The following OR2T2 variants were observed in gnomAD, a reference collection of about 807,000 sequenced individuals.
OR2T2 encodes olfactory receptor 2T2.
For missense variants in OR2T2, 138 were observed against 409.1 expected, an observed-to-expected ratio of 0.34 and a Z score of 5.72; for synonymous variants, 50 against 162.7, an observed-to-expected ratio of 0.31 and a Z score of 5.27.
chr1:248,447,071 G>T (rs1250037921), intron 2 of OR2T2, among the ~76,000 whole-genome samples: 1 of 151,994 alleles, frequency 6.6e-6, no homozygotes, highest in Admixed American at 6.5e-5. Context: ...AGATAAAGGG[G>T]GGTGGTAACT....
chr1:248,449,816 CTTT>C (rs1457866239), intron 2 of OR2T2, among the ~76,000 whole-genome samples: 26 of 123,206 alleles, frequency 2.1e-4, no homozygotes, highest in Admixed American at 1.4e-3. Flanking sequence ...TTTTCTTTTT[CTTT>C]TTCTTTTTCT....
At chr1:248,453,830 C>T in exon 3 of OR2T2, 1 of 1,425,650 alleles carries the variant, frequency 7.0e-7, no homozygotes, top group East Asian at 3.0e-5. Context: ...AGCGGGGACT[C>T]CCAGAGCATC....
rs551223393 is a variant in OR2T2, at chr1:248,453,771, A to G, written c.974A>G (p.Ter325TrpextTer81). Residue 325 changes from the stop codon to tryptophan (W), a stop_lost, in exon 3 of 3, where the codon TAG (stop) becomes TGG (tryptophan). Coordinates refer to ENST00000642130, the Ensembl canonical transcript of OR2T2. ...GTGGCGACTGTGATCAGGAAGGGCT[A>G]GCAGGGACTCCCACAGCATCAGAGT... 84 of 1,530,156 alleles carry G rather than the reference A, an allele frequency of 5.5e-5. No homozygotes were observed. In the East Asian group the frequency reaches 2.0e-3, roughly 37 times the overall value. The allele number at this position is 1,530,156 out of a possible 1,614,324, so 94.8% of individuals were successfully genotyped here. A position where few individuals can be genotyped will look rare whatever the true frequency, so the allele number is the denominator to read the frequency against.
At chr1:248,446,902 C>T (rs1427123184) in intron 2 of OR2T2, 91 bp downstream of exon 2, 1 of 134,378 alleles carries the variant, frequency 7.4e-6, no homozygotes, top group Non-Finnish European at 1.5e-5. Flanking sequence ...ACCTACATGC[C>T]ATTATAGTGC....
At position 248,446,286 on chromosome 1, in the gene OR2T2, G is replaced by A. The variant is rs1298904340; in HGVS notation, c.-245-303G>A. Among the ~76,000 whole-genome samples, 6 of 144,264 alleles carry A rather than the reference G, an allele frequency of 4.2e-5. 1 individual carries two copies. The highest frequency in any genetic ancestry group is 1.7e-4 in the African/African-American group (6 of 35,222). 94.6% of individuals were successfully genotyped at this position (144,264 alleles called of 152,430 possible). On this transcript the variant is annotated intron_variant, in intron 1 of 2. Transcript: ENST00000642130. The stretch of plus-strand genomic sequence containing the variant: ...GTCTCCTAGAAGCCATCTTAGCATG[G>A]CATATAAAAGCCTGTTGAGCTGAGT...
chr1:248,450,205 T>A (rs375164655), intron 2 of OR2T2, among the ~76,000 whole-genome samples: 2 of 145,790 alleles, frequency 1.4e-5, no homozygotes, highest in Non-Finnish European at 3.0e-5. Context: ...GCAGTGTAGT[T>A]CTGCTCTTTA....
chr1:248,451,646 C>T (rs1190276470), intron 2 of OR2T2, among the ~76,000 whole-genome samples: 1 of 148,754 alleles, frequency 6.7e-6, no homozygotes, highest in Non-Finnish European at 1.5e-5. Context: ...CCCGATTAAT[C>T]TTTGTATTTT....
In OR2T2 at chr1:248,447,657, T is replaced by G. The variant is rs1235728833; in HGVS notation, c.-23+846T>G. On this transcript the variant is annotated intron_variant, in intron 2 of 2. Transcript: ENST00000642130. ...TTTCGGAATCAGACCGGTTTCCCTC[T>G]CTACTATTGCACTGTTTAACTGAAC... is the stretch of plus-strand genomic sequence containing the variant. Among the ~76,000 whole-genome samples the G allele has an allele frequency of 3.3e-5, 5 of 151,588 alleles. No homozygotes were observed. In the East Asian group the frequency reaches 9.6e-4, roughly 29 times the overall value.
intron 2 of OR2T2, among the ~76,000 whole-genome samples, chr1:248,447,269 G>A (rs1487055716): frequency 1.3e-5 from 2 of 151,008 alleles, no homozygotes; most frequent in South Asian, 2.1e-4. Flanking sequence ...AAGAAAAGGA[G>A]TTCCTGGCCA....
exon 3 of OR2T2, chr1:248,453,862 A>T (rs1352034706): frequency 1.6e-5 from 23 of 1,480,626 alleles, no homozygotes; most frequent in Non-Finnish European, 1.6e-5. Flanking sequence ...CTGATCAGGA[A>T]GGACTAGCAA....
At chr1:248,453,695 G>A (rs1238565553) in exon 3 of OR2T2, 55 of 1,606,578 alleles carry the variant, frequency 3.4e-5, no homozygotes, top group Non-Finnish European at 4.6e-5. Context: ...AGATGTGGCT[G>A]CAGCTCTGAG....
chr1:248,450,862 AT>A (rs1485007414), intron 2 of OR2T2, among the ~76,000 whole-genome samples: 3 of 140,552 alleles, frequency 2.1e-5, no homozygotes, highest in Non-Finnish European at 3.0e-5. Flanking sequence ...CTCTTGACCC[AT>A]GATTCGAAGC....
exon 3 of OR2T2, chr1:248,453,081 T>C: frequency 6.2e-7 from 1 of 1,613,112 alleles, no homozygotes; most frequent in Non-Finnish European, 8.5e-7. Context: ...ACCATTTCCT[T>C]CCTGGGCTGT....
chr1:248,447,769 G>T (rs1328421416), intron 2 of OR2T2, among the ~76,000 whole-genome samples: 11 of 152,156 alleles, frequency 7.2e-5, no homozygotes, highest in Admixed American at 2.0e-4. Context: ...CATGCTTTAA[G>T]ATCCTTTCAG....
chr1:248,450,440 T>TG (rs2103020309), intron 2 of OR2T2, among the ~76,000 whole-genome samples: 1 of 147,542 alleles, frequency 6.8e-6, no homozygotes, highest in African/African-American at 2.7e-5. Flanking sequence ...TCTCCTCTTC[T>TG]GGGATCCTAC....
chr1:248,452,567 T>G (rs1662821830), intron 2 of OR2T2, among the ~76,000 whole-genome samples: 2 of 131,310 alleles, frequency 1.5e-5, no homozygotes, highest in African/African-American at 7.0e-5. Flanking sequence ...TACAGAACTA[T>G]GATGACCTTT....
At position 248,453,457 on chromosome 1, in the gene OR2T2, G is replaced by T. The variant is rs770828092; in HGVS notation, c.660G>T (p.Thr220=). The T allele has an allele frequency of 4.4e-6, 7 of 1,589,046 alleles. 1 individual carries two copies. The East Asian group carries it at 1.6e-4, about 37-fold the overall frequency. The change falls in exon 3 of 3, where the codon ACG becomes ACT. Residue 220 remains threonine (T), a synonymous_variant. Coordinates refer to ENST00000642130, the Ensembl canonical transcript of OR2T2. ...TATCTGTCATCTCTGTCTCCTACAC[G>T]CACATCCTCCTGACTGTCCACAGGA...
chr1:248,447,237 G>A (rs1662685123), intron 2 of OR2T2, among the ~76,000 whole-genome samples: 1 of 150,002 alleles, frequency 6.7e-6, no homozygotes, highest in Non-Finnish European at 1.5e-5. Context: ...CGGAGTACAG[G>A]AGTAGCTTGT....
rs199553833 is a variant in OR2T2, at chr1:248,450,319, A to G, written c.-22-2457A>G. ...ATGAACACACTACACACACATGTACACACAACGCTCACACTCACAAGGAAC... is the reference window on the plus strand; with the variant it reads ...ATGAACACACTACACACACATGTACGCACAACGCTCACACTCACAAGGAAC... On this transcript the variant is annotated intron_variant, in intron 2 of 2. Coordinates refer to ENST00000642130, the Ensembl canonical transcript of OR2T2. Among the ~76,000 whole-genome samples, 1,256 of 139,398 alleles carry G rather than the reference A, an allele frequency of 9.0e-3. 50 individuals carry two copies. The highest frequency in any genetic ancestry group is 0.038 in the African/African-American group (1,193 of 31,364). The allele number at this position is 139,398 out of a possible 152,430, so 91.5% of individuals were successfully genotyped here.
Sources: gnomAD v4.1 joint callset for allele counts (sites outside exome capture counted in the v4.1 genomes callset) on GRCh38, gnomAD v4.1.1 for gene constraint, MANE v1.5 for transcripts, NCBI Gene and HGNC (gene_info 2026-07-23, HGNC 2026-07-21) for gene names.